The following PCDH7 variants were observed in gnomAD, a reference collection of about 807,000 sequenced individuals.
The protein encoded by PCDH7 is protocadherin-7.
PCDH7 carries 17 observed loss-of-function variants against 58.9 expected under a neutral mutation model. The ratio of observed to expected loss-of-function variants is 0.29; its 90% CI spans 0.20 to 0.43. PCDH7 has a LOEUF of 0.43. PCDH7 is among the 20% of genes least tolerant of loss of function. The pLI, the probability that PCDH7 is intolerant of heterozygous loss-of-function variation, is 1.00. For missense variants in PCDH7, 1,274 were observed against 1,441.0 expected (o/e 0.88, Z 1.88); for synonymous variants, 664 against 616.4 (o/e 1.08, Z -1.14).
chr4:30,836,263 C>A (rs966217686), intron 1 of PCDH7, among the ~76,000 whole-genome samples: 1 of 152,016 alleles, frequency 6.6e-6, no homozygotes, highest in Non-Finnish European at 1.5e-5. Context: ...TAGTCTATAC[C>A]CTTACAGAGT....
chr4:31,079,347 T>TATATAC (rs1560628135), intron 3 of PCDH7, among the ~76,000 whole-genome samples: 1 of 89,250 alleles, frequency 1.1e-5, no homozygotes, highest in East Asian at 7.1e-4. Flanking sequence ...TATATATATA[T>TATATAC]ATATATATAT....
At chr4:30,853,185 A>G (rs772967096) in intron 1 of PCDH7, among the ~76,000 whole-genome samples, 3 of 152,124 alleles carry the variant, frequency 2.0e-5, no homozygotes, top group Non-Finnish European at 4.4e-5. Context: ...TCAGAGAGAC[A>G]TAAATTTGAA....
intron 1 of PCDH7, among the ~76,000 whole-genome samples, chr4:30,745,809 T>C (rs1465865985): frequency 1.3e-5 from 2 of 152,166 alleles, no homozygotes; most frequent in African/African-American, 4.8e-5. Context: ...CATGCACATA[T>C]AATTTTTCTT....
chr4:31,033,891 C>T (rs1009920727), intron 3 of PCDH7, among the ~76,000 whole-genome samples: 11 of 152,164 alleles, frequency 7.2e-5, no homozygotes, highest in African/African-American at 1.9e-4. Flanking sequence ...GTCAGGAGTT[C>T]GAGACCAGCC....
At chr4:30,888,565 A>G (rs1738166061) in intron 1 of PCDH7, among the ~76,000 whole-genome samples, 2 of 152,244 alleles carry the variant, frequency 1.3e-5, no homozygotes. Context: ...TGAAACAATT[A>G]CAAATGTGAA....
intron 3 of PCDH7, among the ~76,000 whole-genome samples, chr4:31,042,315 A>C (rs1755936585): frequency 6.6e-6 from 1 of 152,174 alleles, no homozygotes; most frequent in African/African-American, 2.4e-5. Flanking sequence ...TACTCTTGTT[A>C]TAAAGAACAA....
In PCDH7 at chr4:30,758,774, T is replaced by C. The variant is rs78119033; in HGVS notation, c.70+34178T>C. On this transcript the variant is annotated intron_variant, in intron 1 of 3. Coordinates refer to the PCDH7 transcript ENST00000509759. ...GTGGATTGCTCATTGCTTTTTTATA[T>C]ACTGCTTAATTTGGAAGGAAGAGAG... Among the ~76,000 whole-genome samples the C allele has an allele frequency of 4.7e-3, 709 of 152,290 alleles. 6 individuals are homozygous for C. The highest frequency in any genetic ancestry group is 0.016 in the African/African-American group (671 of 41,554).
At chr4:30,892,831 A>T (rs1422226734) in intron 1 of PCDH7, among the ~76,000 whole-genome samples, 1 of 152,088 alleles carries the variant, frequency 6.6e-6, no homozygotes, top group East Asian at 1.9e-4. Flanking sequence ...GGAAAAATAA[A>T]TCTGATGAAT....
rs1402352330 is a variant in PCDH7, at chr4:30,721,157, G to T, written c.-266G>T. On this transcript the variant is annotated 5_prime_UTR_variant, in exon 1 of 2. Transcript: ENST00000361762. This position sits in a 1 kb window ranked among gnomAD's most constrained non-coding sequence, Gnocchi z 6.7. ...GCGACTGAACGGCGGCAGGCGAGCG[G>T]GCGATTAGCACCCATTGCATGAATT... is the stretch of plus-strand genomic sequence containing the variant. The T allele has an allele frequency of 6.4e-6, 3 of 467,590 alleles. No individual in the cohort carries two copies. The Admixed American group carries it at 1.2e-4, about 18-fold the overall frequency. The allele number at this position is 467,590 out of a possible 1,614,324, so 29.0% of individuals were successfully genotyped here.
At chr4:30,998,991 A>T (rs908817176) in intron 3 of PCDH7, among the ~76,000 whole-genome samples, 3 of 152,158 alleles carry the variant, frequency 2.0e-5, no homozygotes, top group African/African-American at 7.2e-5. Flanking sequence ...AGAGTCTGTT[A>T]TTAATGTTTG....
chr4:30,802,974 G>A (rs1373821025), intron 1 of PCDH7, among the ~76,000 whole-genome samples: 6 of 152,136 alleles, frequency 3.9e-5, no homozygotes, highest in Admixed American at 3.9e-4. Context: ...GCAGCTGCGA[G>A]AGAAGGTTAA....
chr4:31,032,427 G>A (rs1242213263), intron 3 of PCDH7, among the ~76,000 whole-genome samples: 1 of 152,068 alleles, frequency 6.6e-6, no homozygotes, highest in East Asian at 1.9e-4. Flanking sequence ...GGCCAACATG[G>A]CGAGACCTCG....
intron 3 of PCDH7, among the ~76,000 whole-genome samples, chr4:31,010,416 G>A (rs1281105225): frequency 6.6e-6 from 1 of 151,746 alleles, no homozygotes; most frequent in African/African-American, 2.4e-5. Flanking sequence ...GAGAAAATAG[G>A]TAAATTAAGG....
intron 3 of PCDH7, among the ~76,000 whole-genome samples, chr4:30,975,914 A>G (rs1750026264): frequency 6.6e-6 from 1 of 152,160 alleles, no homozygotes; most frequent in African/African-American, 2.4e-5. Flanking sequence ...TATGTCCTTC[A>G]ATATCTTTCA....
At chr4:30,897,521 A>T in intron 1 of PCDH7, among the ~76,000 whole-genome samples, 1 of 152,202 alleles carries the variant, frequency 6.6e-6, no homozygotes, top group Admixed American at 6.5e-5. Flanking sequence ...TAAGGGATTA[A>T]TATCTATGTT....
intron 2 of PCDH7, among the ~76,000 whole-genome samples, chr4:30,946,690 TTGTGTGTGTG>T (rs112524366): frequency 1.2e-4 from 16 of 137,554 alleles, no homozygotes; most frequent in African/African-American, 3.3e-4. Flanking sequence ...CTTATCTCTT[TTGTGTGTGTG>T]TGTGTGTGTG....
At position 30,723,726 on chromosome 4, in the gene PCDH7, AACAG is replaced by A; in HGVS notation, c.2309_2312del (p.Asp770ValfsTer9). 1 of 1,614,186 alleles carries A rather than the reference AACAG, an allele frequency of 6.2e-7. No homozygotes were observed. The highest frequency in any genetic ancestry group is 8.5e-7 in the Non-Finnish European group (1 of 1,180,032). On this transcript the variant is annotated frameshift_variant, in exon 1 of 2. Coordinates refer to ENST00000361762, the Ensembl canonical transcript of PCDH7. LOFTEE classifies it high-confidence loss of function. This position sits in a 1 kb window ranked among gnomAD's most constrained non-coding sequence, Gnocchi z 4.6. ...GGACAGTAGTAGCTACAGTGTTGGC[AACAG>A]ACAGTGATGATGGCATCAATGCAGA...
At chr4:30,811,105 G>T (rs1726935164) in intron 1 of PCDH7, among the ~76,000 whole-genome samples, 1 of 152,134 alleles carries the variant, frequency 6.6e-6, no homozygotes, top group Admixed American at 6.5e-5. Context: ...CAAAACTGAG[G>T]CTCAGACAAC....
rs557410829 is a variant in PCDH7 at position 31,113,150 on chromosome 4, G to C, written c.*8-29323G>C. Among the ~76,000 whole-genome samples the C allele has an allele frequency of 5.3e-5, 8 of 152,098 alleles. No individual in the cohort carries two copies. The South Asian group carries it at 1.7e-3, about 32-fold the overall frequency. On this transcript the variant is annotated intron_variant, in intron 3 of 3. Coordinates refer to the PCDH7 transcript ENST00000509759. ...AGATTGTTTATTGGAAAATTTTTGA[G>C]TTGTCATAGATCAAAATTTTGTTCA... is the stretch of plus-strand genomic sequence containing the variant.
Sources: gnomAD v4.1 joint callset for allele counts (sites outside exome capture counted in the v4.1 genomes callset) on GRCh38, gnomAD v4.1.1 for gene constraint, Gnocchi (gnomAD v3.1) non-coding constraint, MANE v1.5 for transcripts, NCBI Gene and HGNC (gene_info 2026-07-23, HGNC 2026-07-21) for gene names.